Variants in SPIN3 observed in about 807,000 individuals in gnomAD.
SPIN3 encodes the protein spindlin family member 3.
For missense variants in SPIN3, 176 were observed against 196.4 expected, an observed-to-expected ratio of 0.90 and a Z score of 0.62; for synonymous variants, 74 against 74.3, an observed-to-expected ratio of 1.00 and a Z score of 0.02.
At chrX:56,976,212 T>C (rs1041036827), downstream of SPIN3, 1 of 111,772 alleles carries the variant, frequency 8.9e-6, no homozygotes, top group Non-Finnish European at 1.9e-5. Flanking sequence ...AAACAACCTT[T>C]GTTAAACTGT....
At chrX:56,988,622 C>T (rs1368661900), downstream of SPIN3, among the ~76,000 whole-genome samples, 1 of 110,933 alleles carries the variant, frequency 9.0e-6, no homozygotes, top group Non-Finnish European at 1.9e-5. Context: ...TAACTCTGAC[C>T]TCACTCAATT....
chrX:56,976,355 A>G (rs1230991635), downstream of SPIN3: 2 of 111,954 alleles, frequency 1.8e-5, no homozygotes, highest in Admixed American at 9.5e-5. Context: ...ATTAATCTTT[A>G]TAACCTTCAC....
Position 56,994,273 on chromosome X carries a change from A to G in SPIN3, c.675T>C (p.Thr225=). 1 of 1,211,937 alleles carries G rather than the reference A, an allele frequency of 8.3e-7. No homozygotes were observed. The highest frequency in any genetic ancestry group is 1.1e-6 in the Non-Finnish European group (1 of 895,591). The change falls in exon 2 of 2, where the codon ACT becomes ACC. Residue 225 remains threonine (T), a synonymous_variant. Coordinates refer to ENST00000374919, the MANE Select transcript of SPIN3 (RefSeq NM_001010862.3). The stretch of plus-strand genomic sequence containing the variant: ...CTTCTACCTGATGAATGACCATGCC[A>G]GTTCTCTTGGAGCCATCGTCTTTGG... The part of the protein sequence containing the change: ...EYAKDDGSKR[T]GMVIHQVEAK...
chrX:56,994,253 A>G lies in SPIN3; in HGVS notation c.695T>C (p.Val232Ala). 1 of 1,211,777 alleles carries G rather than the reference A, an allele frequency of 8.3e-7. No individual in the cohort carries two copies. ...SKRTGMVIHQ[V>A]EAKPSVYFIK... Reference sequence around the variant, plus strand: ...GAAGTACACAGAGGGTTTTGCTTCTACCTGATGAATGACCATGCCAGTTCT... The same window carrying G: ...GAAGTACACAGAGGGTTTTGCTTCTGCCTGATGAATGACCATGCCAGTTCT... The change falls in exon 2 of 2, where the codon GTA (valine) becomes GCA (alanine). Residue 232 changes from valine to alanine, a missense_variant. By Grantham distance (64) the Val-to-Ala change is moderately conservative. Coordinates refer to ENST00000374919, the MANE Select transcript of SPIN3 (RefSeq NM_001010862.3).
chrX:56,986,139 C>T (rs1924216783), downstream of SPIN3, among the ~76,000 whole-genome samples: 6 of 111,521 alleles, frequency 5.4e-5, no homozygotes, highest in South Asian at 2.2e-3. Flanking sequence ...TGAGAACAGG[C>T]ATCACTGAAT....
In SPIN3 at chrX:56,994,853, G is replaced by A; in HGVS notation, c.95C>T (p.Ala32Val). 1.7e-6 allele frequency: 2 copies of A among 1,211,834 alleles called. No homozygotes were observed. Among genetic ancestry groups the A allele is most frequent in the Non-Finnish European group, 2.2e-6 (2 of 895,581 alleles). The change falls in exon 2 of 2, where the codon GCT (alanine) becomes GTT (valine). Residue 32 changes from alanine to valine, a missense_variant. By Grantham distance (64) the Ala-to-Val change is moderately conservative. Coordinates refer to ENST00000374919, the MANE Select transcript of SPIN3 (RefSeq NM_001010862.3). ...SVSVTMIKRK[A>V]AHKKHRSRPT... is the part of the protein sequence containing the mutation. ...TCGGCTCCTATGCTTCTTGTGTGCA[G>A]CCTTCCTCTTTATCATGGTAACAGA...
At position 56,992,621 on chromosome X, in the gene SPIN3, G is replaced by A; in HGVS notation, c.*1550C>T. 3.4e-6 allele frequency: 1 copy of A among 296,591 alleles called. No homozygotes were observed. The highest frequency in any genetic ancestry group is 5.9e-6 in the Non-Finnish European group (1 of 169,822). The allele number at this position is 296,591 out of a possible 1,213,427, so 24.4% of individuals were successfully genotyped here. On this transcript the variant is annotated 3_prime_UTR_variant, in exon 2 of 2. Transcript: ENST00000374919. ...ATATCTTGCAGTACAGTCCCAATAT[G>A]ATTGTACTGCCTTGAGTCCCAGCCC...
chrX:56,978,728 G>A (rs1281930704), intron 3 of SPIN3: 1 of 111,308 alleles, frequency 9.0e-6, no homozygotes, highest in African/African-American at 3.3e-5. Context: ...CACAAGACTG[G>A]AGCAGAAGAT....
At chrX:56,984,576 C>T in intron 2 of SPIN3, 1 of 312,517 alleles carries the variant, frequency 3.2e-6, no homozygotes, top group Non-Finnish European at 6.1e-6. Context: ...AGGAGGAAGG[C>T]CAAAAAGGAC....
rs1422633569 is a variant in SPIN3, at chrX:56,976,747, G to T, written c.*861C>A. 5.4e-5 allele frequency: 6 copies of T among 111,754 alleles called. No homozygotes were observed. In the East Asian group the frequency reaches 1.7e-3, roughly 31 times the overall value. 9.2% of individuals were successfully genotyped at this position (111,754 alleles called of 1,213,427 possible). On this transcript the variant is annotated 3_prime_UTR_variant and NMD_transcript_variant, in exon 6 of 6. Transcript: ENST00000475785. ...AAAAGAAGACTTTATCATCTTTTTT[G>T]AGGAAAGCTGCTATTTATATATTTA...
chrX:56,988,600 T>C (rs1024004580), downstream of SPIN3, among the ~76,000 whole-genome samples: 1 of 110,994 alleles, frequency 9.0e-6, no homozygotes, highest in Non-Finnish European at 1.9e-5. Flanking sequence ...ATCAGGTAAG[T>C]ATAGGAAATA....
chrX:56,984,522 G>A, intron 2 of SPIN3: 1 of 321,675 alleles, frequency 3.1e-6, no homozygotes, highest in Non-Finnish European at 6.0e-6. Flanking sequence ...GCTGACATTT[G>A]AGATTAAGTG....
rs1924382843 is a variant in SPIN3 at position 56,992,920 on chromosome X, G to A, written c.*1251C>T. The A allele has an allele frequency of 7.4e-6, 1 of 134,856 alleles. No individual in the cohort carries two copies. Among genetic ancestry groups the A allele is most frequent in the Non-Finnish European group, 1.5e-5 (1 of 68,703 alleles). The allele number at this position is 134,856 out of a possible 1,213,427, so 11.1% of individuals were successfully genotyped here. Reference sequence around the variant, plus strand: ...TTAGGGCCAGCCAAGAAACAGGATAGTTAAAAATCCAAACACTAACAAAAA... The same window carrying A: ...TTAGGGCCAGCCAAGAAACAGGATAATTAAAAATCCAAACACTAACAAAAA... On this transcript the variant is annotated 3_prime_UTR_variant, in exon 2 of 2. Coordinates refer to ENST00000374919, the MANE Select transcript of SPIN3 (RefSeq NM_001010862.3).
chrX:56,990,206 C>G (rs2146833129), downstream of SPIN3, among the ~76,000 whole-genome samples: 1 of 111,665 alleles, frequency 9.0e-6, no homozygotes, highest in African/African-American at 3.2e-5. Flanking sequence ...TAGCCTGGAA[C>G]TGCTGGTCCA....
intron 3 of SPIN3, among the ~76,000 whole-genome samples, chrX:56,983,981 G>C (rs988930774): frequency 1.8e-5 from 2 of 111,468 alleles, no homozygotes; most frequent in African/African-American, 3.3e-5. Flanking sequence ...TTAGTTTTTA[G>C]AGATGGAGGT....
At chrX:56,995,091 G>C (rs1769938090) in intron 1 of SPIN3, 125 bp downstream of exon 1, 7 of 679,918 alleles carry the variant, frequency 1.0e-5, no homozygotes, top group Non-Finnish European at 1.3e-5. Context: ...AGCAAAGCTG[G>C]AAATCAAGGC....
chrX:56,988,947 T>C (rs1172042431), downstream of SPIN3, among the ~76,000 whole-genome samples: 1 of 111,771 alleles, frequency 8.9e-6, no homozygotes, highest in Non-Finnish European at 1.9e-5. Flanking sequence ...ACCCAAGATA[T>C]GCCTCCAAGA....
Position 56,994,488 on chromosome X carries a change from G to C in SPIN3, c.460C>G (p.Gln154Glu). ...KNEWRGMVLA[Q>E]APVMNTWFYI... ...AACCATGTGTTCATGACAGGTGCCT[G>C]AGCTAAGACCATCCCCCTCCATTCA... Residue 154 changes from glutamine (Q) to glutamate (E), a missense_variant, in exon 2 of 2, where the codon CAG (glutamine) becomes GAG (glutamate). Gln to Glu is a conservative substitution (Grantham distance 29). Coordinates refer to ENST00000374919, the MANE Select transcript of SPIN3 (RefSeq NM_001010862.3). 8.3e-7 allele frequency: 1 copy of C among 1,211,732 alleles called. No homozygotes were observed. Among genetic ancestry groups the C allele is most frequent in the Non-Finnish European group, 1.1e-6 (1 of 895,506 alleles).
Position 56,983,279 on chromosome X carries a change from C to T in SPIN3, c.*204+987G>A, listed in dbSNP as rs748474999. Among the ~76,000 whole-genome samples the T allele has an allele frequency of 6.3e-5, 7 of 111,428 alleles. No individual in the cohort carries two copies. The East Asian group carries it at 1.7e-3, about 27-fold the overall frequency. The stretch of plus-strand genomic sequence containing the variant: ...GAGACACCTGTTCTTTTACGTGCCC[C>T]GCAGCTAGTGGTACTCATGTGTGCA... On this transcript the variant is annotated intron_variant and NMD_transcript_variant, in intron 3 of 5. Transcript: ENST00000475785.
Sources: gnomAD v4.1 joint callset for allele counts (sites outside exome capture counted in the v4.1 genomes callset) on GRCh38, gnomAD v4.1.1 for gene constraint, MANE v1.5 for transcripts, NCBI Gene and HGNC (gene_info 2026-07-23, HGNC 2026-07-21) for gene names.